COLEC12: variants seen among roughly 807,000 people sequenced by gnomAD.
COLEC12 encodes collectin subfamily member 12.
In COLEC12, 33 loss-of-function variants were observed where a neutral mutation model predicts 71.1. The observed-to-expected ratio is 0.46, with a 90% confidence interval of 0.35 to 0.62. The LOEUF (loss-of-function observed/expected upper bound fraction) is 0.62, where lower values mean the gene tolerates loss of function less well. Ranked by LOEUF, COLEC12 falls within the 20% of genes least tolerant of loss-of-function variation. The pLI, the probability that COLEC12 is intolerant of heterozygous loss-of-function variation, is 0.00. For synonymous variants in COLEC12, 350 were observed against 353.0 expected (o/e 0.99, Z 0.10); for missense variants, 765 against 916.1 (o/e 0.84, Z 2.13).
At chr18:369,234 T>C (rs537071196) in intron 2 of COLEC12, among the ~76,000 whole-genome samples, 4 of 152,268 alleles carry the variant, frequency 2.6e-5, no homozygotes, top group African/African-American at 9.6e-5. Context: ...AAAGAGCACA[T>C]ACCACTTAAT....
chr18:330,980 A>G (rs1403297763), intron 8 of COLEC12, among the ~76,000 whole-genome samples: 1 of 151,516 alleles, frequency 6.6e-6, no homozygotes, highest in Non-Finnish European at 1.5e-5. Context: ...CCTGGGTTTA[A>G]GCAATTCTTC....
At chr18:455,718 A>G (rs1463078458) in intron 2 of COLEC12, among the ~76,000 whole-genome samples, 1 of 149,808 alleles carries the variant, frequency 6.7e-6, no homozygotes, top group Non-Finnish European at 1.5e-5. Context: ...TCATTGTTCA[A>G]CTCCCACTTA....
At chr18:495,829 G>A (rs1051565557) in intron 1 of COLEC12, among the ~76,000 whole-genome samples, 3 of 152,170 alleles carry the variant, frequency 2.0e-5, no homozygotes, top group Non-Finnish European at 4.4e-5. Context: ...GACAGTCTGA[G>A]CCTGAATACT....
chr18:348,247 T>G, intron 3 of COLEC12, 84 bp from the exon 4 acceptor site: 1 of 854,602 alleles, frequency 1.2e-6, no homozygotes. Context: ...CATTTCATTA[T>G]GGAACAAAGG....
chr18:471,707 A>T (rs945684895), intron 2 of COLEC12, among the ~76,000 whole-genome samples: 2 of 151,456 alleles, frequency 1.3e-5, no homozygotes, highest in Non-Finnish European at 2.9e-5. Context: ...TTAGTATTAC[A>T]TTTGAAATAT....
At chr18:416,368 T>C (rs766582350) in intron 2 of COLEC12, among the ~76,000 whole-genome samples, 2 of 152,084 alleles carry the variant, frequency 1.3e-5, no homozygotes, top group African/African-American at 2.4e-5. Flanking sequence ...TGATCTGATA[T>C]AGAGGGAAGG....
At chr18:453,587 G>A (rs1368033613) in intron 2 of COLEC12, among the ~76,000 whole-genome samples, 1 of 152,222 alleles carries the variant, frequency 6.6e-6, no homozygotes, top group South Asian at 2.1e-4. Context: ...TAATGCCCCA[G>A]GGCTCAGTCC....
At chr18:323,461 C>G (rs1010286312) in intron 8 of COLEC12, among the ~76,000 whole-genome samples, 2 of 152,156 alleles carry the variant, frequency 1.3e-5, no homozygotes, top group African/African-American at 4.8e-5. Flanking sequence ...GACAAAGTCC[C>G]AACTCTTACA....
chr18:464,039 C>T (rs908014758), intron 2 of COLEC12, among the ~76,000 whole-genome samples: 3 of 152,142 alleles, frequency 2.0e-5, no homozygotes, highest in African/African-American at 7.2e-5. Context: ...TCTCCATCCC[C>T]ACCCACACCC....
intron 2 of COLEC12, among the ~76,000 whole-genome samples, chr18:459,357 G>A (rs145293611): frequency 6.2e-4 from 94 of 152,322 alleles, no homozygotes; most frequent in African/African-American, 2.0e-3. Context: ...CATTTGCTGT[G>A]TCTTCTTTGG....
chr18:449,593 C>G (rs1916718803), intron 2 of COLEC12, among the ~76,000 whole-genome samples: 1 of 152,228 alleles, frequency 6.6e-6, no homozygotes, highest in South Asian at 2.1e-4. Context: ...GAGGTACGCC[C>G]TCAGTAAGCT....
At chr18:444,206 ATATT>A (rs1271681207) in intron 2 of COLEC12, among the ~76,000 whole-genome samples, 1 of 152,244 alleles carries the variant, frequency 6.6e-6, no homozygotes, top group African/African-American at 2.4e-5. Context: ...CGGAATGCAC[ATATT>A]TATTTATAAA....
chr18:477,300 T>C (rs1437689155), intron 2 of COLEC12, among the ~76,000 whole-genome samples: 1 of 152,238 alleles, frequency 6.6e-6, no homozygotes, highest in Non-Finnish European at 1.5e-5. Context: ...ACTCTCTATA[T>C]GAATAACTTC....
chr18:406,434 G>A (rs376094905), intron 2 of COLEC12, among the ~76,000 whole-genome samples: 5 of 147,364 alleles, frequency 3.4e-5, no homozygotes, highest in African/African-American at 1.0e-4. Flanking sequence ...GCGTGAACCC[G>A]GGAAGCGGAG....
rs1391934890 is a variant in COLEC12, at chr18:338,971, C to G, written c.1328-3741G>C. Among the ~76,000 whole-genome samples the G allele has an allele frequency of 5.3e-5, 6 of 113,510 alleles. No individual in the cohort carries two copies. In the East Asian group the frequency reaches 1.3e-3, roughly 24 times the overall value. The allele number at this position is 113,510 out of a possible 152,430, so 74.5% of individuals were successfully genotyped here. On this transcript the variant is annotated intron_variant, in intron 5 of 9. Transcript: ENST00000400256. The stretch of plus-strand genomic sequence containing the variant: ...AAGTGTTTTAAGAAATAATCTTTAG[C>G]CTTATTGTCTTAATTTTTTTTTTTT...
chr18:401,935 C>A (rs1352983184), intron 2 of COLEC12, among the ~76,000 whole-genome samples: 1 of 152,114 alleles, frequency 6.6e-6, no homozygotes, highest in Non-Finnish European at 1.5e-5. Context: ...ACATGTGGGT[C>A]CAACAAGGGC....
At chr18:421,158 T>C (rs1214521291) in intron 2 of COLEC12, among the ~76,000 whole-genome samples, 1 of 152,226 alleles carries the variant, frequency 6.6e-6, no homozygotes, top group Admixed American at 6.5e-5. Flanking sequence ...AAACTCTATA[T>C]TAAGGTTATA....
chr18:375,835 T>G (rs1381811485), intron 2 of COLEC12, among the ~76,000 whole-genome samples: 2 of 152,220 alleles, frequency 1.3e-5, no homozygotes, highest in Non-Finnish European at 2.9e-5. Context: ...ATCTGCCTCA[T>G]AAAGTCGTTG....
chr18:495,775 G>A (rs1402376914), intron 1 of COLEC12, among the ~76,000 whole-genome samples: 1 of 152,178 alleles, frequency 6.6e-6, no homozygotes, highest in Non-Finnish European at 1.5e-5. Context: ...GGCATAGCTA[G>A]GAGGGAGCCT....
Sources: allele counts gnomAD v4.1 joint callset (sites outside exome capture counted in the v4.1 genomes callset), GRCh38; gene constraint gnomAD v4.1.1; transcripts MANE v1.5; gene names NCBI Gene and HGNC (gene_info 2026-07-23, HGNC 2026-07-21).